Variants in DENND4C observed in about 807,000 individuals in gnomAD.
DENND4C encodes the protein DENN domain containing 4C, also known as DENN domain-containing protein 4C.
DENND4C carries 108 observed loss-of-function variants against 203.0 expected under a neutral mutation model. That is an observed-to-expected ratio of 0.53 (90% CI 0.46 to 0.62). DENND4C has a LOEUF of 0.62. Among genes scored for constraint, DENND4C ranks in the 20% least tolerant of loss-of-function variants. The pLI is 0.00. For missense variants in DENND4C, 2,481 were observed against 2,301.2 expected (o/e 1.08, Z -1.60); for synonymous variants, 871 against 792.4 (o/e 1.10, Z -1.67).
intron 1 of DENND4C, among the ~76,000 whole-genome samples, chr9:19,259,982 T>C (rs1011908304): frequency 1.1e-4 from 17 of 152,164 alleles, no homozygotes; most frequent in African/African-American, 4.1e-4. Context: ...ATATCTATCA[T>C]AGGGGATTGC....
chr9:19,361,222 G>C lies in DENND4C; in HGVS notation c.5407-624G>C, dbSNP rs189122104. Among the ~76,000 whole-genome samples the C allele has an allele frequency of 2.0e-5, 3 of 152,224 alleles. No individual in the cohort carries two copies. The South Asian group carries it at 6.2e-4, about 32-fold the overall frequency. On this transcript the variant is annotated intron_variant, in intron 29 of 32. Transcript: ENST00000434457. ...TGCAATTCTCACAACCACCTTATTTGAAAGGACCCATATTATCCATATTTT... is the reference window on the plus strand; with the variant it reads ...TGCAATTCTCACAACCACCTTATTTCAAAGGACCCATATTATCCATATTTT...
intron 1 of DENND4C, among the ~76,000 whole-genome samples, chr9:19,265,287 G>A (rs1182678789): frequency 2.0e-5 from 3 of 152,068 alleles, no homozygotes; most frequent in Admixed American, 2.0e-4. Flanking sequence ...AAAATGCTGG[G>A]ATTACAGGTG....
At chr9:19,247,767 T>C (rs930336282) in intron 1 of DENND4C, among the ~76,000 whole-genome samples, 1 of 152,368 alleles carries the variant, frequency 6.6e-6, no homozygotes, top group East Asian at 1.9e-4. Flanking sequence ...AAAGAATTAT[T>C]GGTTTATTTC....
At chr9:19,251,482 A>G (rs1267065822) in intron 1 of DENND4C, among the ~76,000 whole-genome samples, 1 of 152,216 alleles carries the variant, frequency 6.6e-6, no homozygotes, top group Non-Finnish European at 1.5e-5. Flanking sequence ...GGGGATTAAC[A>G]TTCCACTCTT....
At chr9:19,274,894 G>T (rs1832555332) in intron 1 of DENND4C, among the ~76,000 whole-genome samples, 1 of 152,168 alleles carries the variant, frequency 6.6e-6, no homozygotes, top group South Asian at 2.1e-4. Context: ...ACTTAAAAGA[G>T]AATGATATTT....
At chr9:19,340,604 T>C (rs1254495255) in intron 20 of DENND4C, among the ~76,000 whole-genome samples, 1 of 152,212 alleles carries the variant, frequency 6.6e-6, no homozygotes, top group African/African-American at 2.4e-5. Flanking sequence ...GGTAACCATC[T>C]TTACTGTTTT....
intron 5 of DENND4C, among the ~76,000 whole-genome samples, chr9:19,293,810 C>G (rs1050764456): frequency 6.6e-6 from 1 of 152,112 alleles, no homozygotes; most frequent in African/African-American, 2.4e-5. Context: ...TAATGGGGAA[C>G]TTTTGAAGGA....
intron 1 of DENND4C, among the ~76,000 whole-genome samples, chr9:19,257,736 A>G (rs1365218461): frequency 2.6e-5 from 4 of 152,224 alleles, no homozygotes; most frequent in African/African-American, 9.6e-5. Flanking sequence ...CACTAAATGG[A>G]TAGTAATAGA....
chr9:19,303,550 C>G (rs909116303), intron 9 of DENND4C, among the ~76,000 whole-genome samples: 4 of 152,180 alleles, frequency 2.6e-5, no homozygotes, highest in Non-Finnish European at 5.9e-5. Flanking sequence ...TTATCCTAAA[C>G]TATAAACCTC....
Position 19,270,202 on chromosome 9 carries a change from C to T in DENND4C, c.-17-5956C>T, listed in dbSNP as rs1006782271. Among the ~76,000 whole-genome samples the T allele has an allele frequency of 1.4e-4, 22 of 152,246 alleles. 2 individuals carry two copies. The highest frequency in any genetic ancestry group is 4.6e-4 in the Admixed American group (7 of 15,284). ...TGCAACCACCACCACTGGGACTGTG[C>T]TGGGTTAGACCTGAAACCAGCACAG... is the stretch of plus-strand genomic sequence containing the variant. On this transcript the variant is annotated intron_variant, in intron 1 of 32. Coordinates refer to ENST00000434457, the MANE Select transcript of DENND4C (RefSeq NM_001330640.2).
chr9:19,282,798 T>A (rs1158607707), intron 2 of DENND4C, among the ~76,000 whole-genome samples: 3 of 136,618 alleles, frequency 2.2e-5, no homozygotes, highest in Non-Finnish European at 3.1e-5. Context: ...CTCACTACAA[T>A]CTCTGCTTCC....
chr9:19,265,698 G>A (rs1472989891), intron 1 of DENND4C, among the ~76,000 whole-genome samples: 4 of 152,096 alleles, frequency 2.6e-5, no homozygotes, highest in East Asian at 3.9e-4. Flanking sequence ...GTGAGAACAT[G>A]CGGTGTTTGG....
At chr9:19,304,006 A>G (rs757499989) in intron 9 of DENND4C, among the ~76,000 whole-genome samples, 3 of 150,378 alleles carry the variant, frequency 2.0e-5, no homozygotes, top group Non-Finnish European at 4.4e-5. Flanking sequence ...TGGCCTTAAC[A>G]TGTTTTAGTC....
intron 1 of DENND4C, among the ~76,000 whole-genome samples, chr9:19,258,746 C>A (rs1828615444): frequency 6.6e-6 from 1 of 151,994 alleles, no homozygotes; most frequent in Non-Finnish European, 1.5e-5. Flanking sequence ...CCTCTGCCTT[C>A]TGGGTTCAGG....
At chr9:19,371,164 GTCA>G (rs1828765612) in intron 31 of DENND4C, among the ~76,000 whole-genome samples, 1 of 152,008 alleles carries the variant, frequency 6.6e-6, no homozygotes, top group Admixed American at 6.6e-5. Context: ...AAGTTTTCCT[GTCA>G]TCTTTAACAA....
At chr9:19,262,351 G>C (rs1829585875) in intron 1 of DENND4C, among the ~76,000 whole-genome samples, 1 of 151,868 alleles carries the variant, frequency 6.6e-6, no homozygotes, top group African/African-American at 2.4e-5. Flanking sequence ...GCCTCCCAGA[G>C]TGCTGGGATT....
At position 19,340,652 on chromosome 9, in the gene DENND4C, A is replaced by G. The variant is rs561008398; in HGVS notation, c.2882-340A>G. On this transcript the variant is annotated intron_variant, in intron 20 of 32. Transcript: ENST00000434457. ...GCCTGCATTACTTTTTGCAAAAGTA[A>G]GCAGATATATGTGTGTTTTATTCTT... Among the ~76,000 whole-genome samples, 3 of 152,244 alleles carry G rather than the reference A, an allele frequency of 2.0e-5. No homozygotes were observed. The South Asian group carries it at 6.2e-4, about 32-fold the overall frequency.
At chr9:19,334,850 A>G in intron 17 of DENND4C, 127 bp from the exon 18 acceptor site, 9 of 967,852 alleles carry the variant, frequency 9.3e-6, no homozygotes, top group Non-Finnish European at 1.3e-5. Flanking sequence ...ATTTGCTAAG[A>G]TGCTCAAAGC....
rs76832559 is a variant in DENND4C at position 19,353,899 on chromosome 9, T to G, written c.4781+1234T>G. 1.9e-3 allele frequency among the ~76,000 whole-genome samples: 282 copies of G among 152,282 alleles called. 6 individuals are homozygous for G. In the East Asian group the frequency reaches 0.046, roughly 25 times the overall value. On this transcript the variant is annotated intron_variant, in intron 26 of 32. Transcript: ENST00000434457. The stretch of plus-strand genomic sequence containing the variant: ...TGCAGTGAGCTGAAATCACACCATT[T>G]AATTGTAGAGGTGTTTCTTCTCTGT...
Sources: allele counts gnomAD v4.1 joint callset (sites outside exome capture counted in the v4.1 genomes callset), GRCh38; gene constraint gnomAD v4.1.1; transcripts MANE v1.5; gene names NCBI Gene and HGNC (gene_info 2026-07-23, HGNC 2026-07-21).